Variants in TSGA10IP observed in about 807,000 individuals in gnomAD.
TSGA10IP encodes the protein testis specific 10 interacting protein.
In TSGA10IP, 64 loss-of-function variants were observed where a neutral mutation model predicts 63.2. The ratio of observed to expected loss-of-function variants is 1.01; its 90% CI spans 0.83 to 1.25. The LOEUF (loss-of-function observed/expected upper bound fraction) is 1.25. Among genes scored for constraint, TSGA10IP ranks in the 50% most tolerant of loss-of-function variants. TSGA10IP has a pLI of 0.00. For missense variants in TSGA10IP, 681 were observed against 710.1 expected (o/e 0.96, Z 0.47); for synonymous variants, 316 against 298.3 (o/e 1.06, Z -0.61).
chr11:65,947,829 G>T lies in TSGA10IP; in HGVS notation c.1003+1G>T, dbSNP rs751572041. On this transcript the variant is annotated splice_donor_variant, in intron 3 of 7. Coordinates refer to ENST00000532620, the Ensembl canonical transcript of TSGA10IP. LOFTEE classifies it high-confidence loss of function. ...CAGCTACAGAGAGACCTGGACTGTGGTGAGCGTGGGGCTCAGAGCCTGGAT... is the reference window on the plus strand; with the variant it reads ...CAGCTACAGAGAGACCTGGACTGTGTTGAGCGTGGGGCTCAGAGCCTGGAT... The T allele has an allele frequency of 6.5e-7, 1 of 1,548,676 alleles. No individual in the cohort carries two copies. The highest frequency in any genetic ancestry group is 1.2e-5 in the South Asian group (1 of 83,540).
At chr11:65,958,314 T>A (rs1307343503) in intron 5 of TSGA10IP, among the ~76,000 whole-genome samples, 2 of 152,350 alleles carry the variant, frequency 1.3e-5, no homozygotes, top group African/African-American at 4.8e-5. Flanking sequence ...GTGTGTTTTT[T>A]AAATTTGAAA....
At chr11:65,948,988 A>G (rs1854896332) in intron 4 of TSGA10IP, among the ~76,000 whole-genome samples, 1 of 151,782 alleles carries the variant, frequency 6.6e-6, no homozygotes, top group South Asian at 2.1e-4. Flanking sequence ...CGAACAAACA[A>G]ACGAACAAAA....
exon 1 of TSGA10IP, chr11:65,945,718 G>A (rs866780619): frequency 6.2e-7 from 1 of 1,612,516 alleles, no homozygotes; most frequent in South Asian, 1.1e-5. Flanking sequence ...CCAACAGTTG[G>A]TTAGGACCCC....
At chr11:65,952,352 T>C (rs1313994608) in intron 4 of TSGA10IP, among the ~76,000 whole-genome samples, 4 of 152,208 alleles carry the variant, frequency 2.6e-5, no homozygotes, top group Admixed American at 2.6e-4. Context: ...TAGCTTTTGT[T>C]GCCTGTGCTT....
At chr11:65,959,734 G>C (rs1173726318) in intron 7 of TSGA10IP, 83 bp from the exon 8 acceptor site, 4 of 1,477,198 alleles carry the variant, frequency 2.7e-6, no homozygotes, top group Admixed American at 2.5e-5. Context: ...ACTGAAGCAG[G>C]GTTTGAAGCC....
intron 5 of TSGA10IP, among the ~76,000 whole-genome samples, chr11:65,958,406 G>A (rs367898102): frequency 5.9e-5 from 9 of 152,064 alleles, no homozygotes; most frequent in South Asian, 2.1e-4. Context: ...AAGCTTGTCC[G>A]ATCCCTACTA....
intron 5 of TSGA10IP, among the ~76,000 whole-genome samples, chr11:65,956,373 C>T (rs1855024774): frequency 6.6e-6 from 1 of 152,004 alleles, no homozygotes; most frequent in African/African-American, 2.4e-5. Flanking sequence ...CCGACCTCAG[C>T]TGATCCGCCC....
Position 65,952,943 on chromosome 11 carries a change from T to C in TSGA10IP, c.1152-624T>C, listed in dbSNP as rs1435750764. On this transcript the variant is annotated intron_variant, in intron 4 of 7. Transcript: ENST00000532620. ...TCATTGGAATTTTGATAGGCTTGCA[T>C]TGAATCTGTAAATTGCTTTGGATAA... Among the ~76,000 whole-genome samples the C allele has an allele frequency of 5.9e-5, 9 of 152,310 alleles. No homozygotes were observed. The East Asian group carries it at 1.5e-3, about 26-fold the overall frequency.
At position 65,946,465 on chromosome 11, in the gene TSGA10IP, C is replaced by G. The variant is rs377053504; in HGVS notation, c.148-415C>G. Among the ~76,000 whole-genome samples the G allele has an allele frequency of 2.3e-3, 344 of 152,108 alleles. 2 individuals are homozygous for G. Among genetic ancestry groups the G allele is most frequent in the African/African-American group, 8.0e-3 (331 of 41,474 alleles). ...TGTTTTTTTGAGATGGAGTTTCACT[C>G]TTGTTGCCCAGGCTGGAGTGCAATG... is the stretch of plus-strand genomic sequence containing the variant. On this transcript the variant is annotated intron_variant, in intron 1 of 7. Coordinates refer to ENST00000532620, the Ensembl canonical transcript of TSGA10IP.
chr11:65,959,687 AAG>A (rs1855082584), intron 7 of TSGA10IP, 128 bp from the exon 8 acceptor site: 10 of 1,305,054 alleles, frequency 7.7e-6, no homozygotes, highest in Non-Finnish European at 1.0e-5. Context: ...GAGACTCGAG[AAG>A]AGTCACTTTG....
chr11:65,953,055 A>T (rs1022228861), intron 4 of TSGA10IP, among the ~76,000 whole-genome samples: 1 of 96,100 alleles, frequency 1.0e-5, no homozygotes, highest in Admixed American at 1.2e-4. Context: ...TTTGAGATGG[A>T]GTTTTGCTCT....
chr11:65,957,497 TC>T (rs1855044511), intron 5 of TSGA10IP, among the ~76,000 whole-genome samples: 1 of 152,200 alleles, frequency 6.6e-6, no homozygotes, highest in Admixed American at 6.5e-5. Context: ...CCAGCTCATT[TC>T]CCACCTCCCC....
chr11:65,958,847 C>A, intron 5 of TSGA10IP, 36 bp from the exon 6 acceptor site: 1 of 1,575,564 alleles, frequency 6.3e-7, no homozygotes, highest in Non-Finnish European at 8.7e-7. Flanking sequence ...CAGTTGTGTC[C>A]ATGGTTAGCT....
chr11:65,958,855 G>A, intron 5 of TSGA10IP, 28 bp from the exon 6 acceptor site: 2 of 1,596,834 alleles, frequency 1.3e-6, no homozygotes, highest in Non-Finnish European at 1.7e-6. Context: ...TCCATGGTTA[G>A]CTGCACAAAG....
At chr11:65,953,604 G>A (rs1565307720) in exon 5 of TSGA10IP, 17 of 1,588,294 alleles carry the variant, frequency 1.1e-5, no homozygotes, top group Non-Finnish European at 1.4e-5. Flanking sequence ...GCGGCAGGAG[G>A]AGCGGCAGCA....
chr11:65,959,114 C>A, intron 6 of TSGA10IP, 76 bp from the exon 7 acceptor site: 6 of 1,571,742 alleles, frequency 3.8e-6, no homozygotes, highest in Non-Finnish European at 5.2e-6. Flanking sequence ...TCCCTGGGAC[C>A]CCCTCAGTAA....
At chr11:65,945,675 G>A in exon 1 of TSGA10IP, 1 of 1,613,110 alleles carries the variant, frequency 6.2e-7, no homozygotes, top group Non-Finnish European at 8.5e-7. Flanking sequence ...GATGGGGCAG[G>A]ATGGGGCAGG....
chr11:65,946,922 C>A (rs1258626272), exon 2 of TSGA10IP: 1 of 1,613,932 alleles, frequency 6.2e-7, no homozygotes, highest in Middle Eastern at 1.6e-4. Context: ...TCAAGACCTG[C>A]AGCAGAGGTC....
At chr11:65,954,585 C>T (rs180852993) in intron 5 of TSGA10IP, among the ~76,000 whole-genome samples, 1 of 152,048 alleles carries the variant, frequency 6.6e-6, no homozygotes, top group Non-Finnish European at 1.5e-5. Context: ...CTTCCCTTGG[C>T]CGCACAAAAG....
Sources: allele counts gnomAD v4.1 joint callset (sites outside exome capture counted in the v4.1 genomes callset), GRCh38; gene constraint gnomAD v4.1.1; transcripts MANE v1.5; gene names NCBI Gene and HGNC (gene_info 2026-07-23, HGNC 2026-07-21).